OSGIN1: variants seen among roughly 807,000 people sequenced by gnomAD.
OSGIN1 encodes the protein oxidative stress-induced growth inhibitor 1.
OSGIN1 carries 19 observed loss-of-function variants against 20.1 expected under a neutral mutation model. The ratio of observed to expected loss-of-function variants is 0.95; its 90% CI spans 0.66 to 1.39. The LOEUF (loss-of-function observed/expected upper bound fraction) is 1.39, where lower values mean the gene tolerates loss of function less well. OSGIN1 is among the 40% of genes most tolerant of loss of function. OSGIN1 has a pLI of 0.00. For missense variants in OSGIN1, 820 were observed against 653.0 expected, an observed-to-expected ratio of 1.26 and a Z score of -2.79; for synonymous variants, 368 against 297.8, an observed-to-expected ratio of 1.24 and a Z score of -2.43.
intron 1 of OSGIN1, among the ~76,000 whole-genome samples, chr16:83,954,996 A>G (rs889755633): frequency 6.6e-6 from 1 of 152,112 alleles, no homozygotes; most frequent in Non-Finnish European, 1.5e-5. Flanking sequence ...GGGATCAAAT[A>G]TCAGTTCCAT....
At chr16:83,959,802 C>T (rs981284062) in intron 3 of OSGIN1, among the ~76,000 whole-genome samples, 6 of 151,698 alleles carry the variant, frequency 4.0e-5, no homozygotes, top group Admixed American at 2.0e-4. Context: ...TGGAGCTTCT[C>T]AACCTTGGCC....
In OSGIN1 at chr16:83,966,264, C is replaced by G; in HGVS notation, c.*257C>G. ...AGCTGCTGGTGTGACCAGCTGAGCA[C>G]CCAGCCAGGAGACCTGCAGCCCTGC... On this transcript the variant is annotated 3_prime_UTR_variant, in exon 6 of 6. Transcript: ENST00000393306. 3 of 519,774 alleles carry G rather than the reference C, an allele frequency of 5.8e-6. No individual in the cohort carries two copies. The highest frequency in any genetic ancestry group is 6.7e-6 in the Non-Finnish European group (2 of 297,558). The allele number at this position is 519,774 out of a possible 1,614,324, so 32.2% of individuals were successfully genotyped here. A position where few individuals can be genotyped will look rare whatever the true frequency, so the allele number is the denominator to read the frequency against.
chr16:83,954,250 C>G (rs2151074031), intron 1 of OSGIN1: 1 of 152,360 alleles, frequency 6.6e-6, no homozygotes, highest in Admixed American at 6.5e-5. Context: ...GAAACGCAGA[C>G]ATACAGGTGT....
In OSGIN1 at chr16:83,965,726, A is replaced by G. The variant is rs1217840087; in HGVS notation, c.1153A>G (p.Lys385Glu). ...AVFQDLEGVEKVFGVSLVLVL... is the reference protein window; with the variant it reads ...AVFQDLEGVEEVFGVSLVLVL... ...GTTCCAGGACCTCGAGGGTGTCGAG[A>G]AGGTGTTTGGGGTCTCCCTGGTGCT... is the stretch of plus-strand genomic sequence containing the variant. Residue 385 changes from lysine to glutamate, a missense_variant, in exon 6 of 6, where the codon AAG becomes GAG. Transcript: ENST00000393306. The G allele has an allele frequency of 5.0e-6, 8 of 1,613,386 alleles. No homozygotes were observed. The highest frequency in any genetic ancestry group is 5.9e-6 in the Non-Finnish European group (7 of 1,179,974).
Position 83,953,336 on chromosome 16 carries a change from C to T in OSGIN1, c.-67C>T, listed in dbSNP as rs752516736. On this transcript the variant is annotated 5_prime_UTR_variant, in exon 1 of 6. Transcript: ENST00000393306. ...TGACCCTCCTAGTGCACAACTTGGC[C>T]GGGCTCACTGGGCTCCTGCACCACT... 17 of 1,288,806 alleles carry T rather than the reference C, an allele frequency of 1.3e-5. No individual in the cohort carries two copies. The highest frequency in any genetic ancestry group is 1.5e-5 in the Non-Finnish European group (15 of 988,570). The allele number at this position is 1,288,806 out of a possible 1,614,324, so 79.8% of individuals were successfully genotyped here. A position where few individuals can be genotyped will look rare whatever the true frequency, so the allele number is the denominator to read the frequency against.
intron 5 of OSGIN1, among the ~76,000 whole-genome samples, chr16:83,962,325 G>A (rs554181123): frequency 1.1e-4 from 17 of 152,240 alleles, no homozygotes; most frequent in African/African-American, 2.9e-4. Flanking sequence ...TGCAAGCTCC[G>A]CCTCCCAGGT....
At position 83,965,080 on chromosome 16, in the gene OSGIN1, G is replaced by T. The variant is rs747732088; in HGVS notation, c.507G>T (p.Arg169=). Residue 169 remains arginine, a synonymous_variant, in exon 6 of 6, where the codon CGG becomes CGT. Coordinates refer to ENST00000393306, the MANE Select transcript of OSGIN1 (RefSeq NM_182981.3). ...QKKRRGLRNS[R]ATAGDIAHYY... is the part of the protein sequence containing the mutation. ...CCAACAGAGGTCTTCGCAACAGCCG[G>T]GCCACTGCCGGGGACATCGCCCACT... The T allele has an allele frequency of 6.2e-7, 1 of 1,601,604 alleles. No individual in the cohort carries two copies. Among genetic ancestry groups the T allele is most frequent in the South Asian group, 1.1e-5 (1 of 90,308 alleles).
At chr16:83,957,895 G>A (rs1427636850) in intron 2 of OSGIN1, among the ~76,000 whole-genome samples, 157 bp downstream of exon 2, 3 of 131,354 alleles carry the variant, frequency 2.3e-5, no homozygotes, top group African/African-American at 1.0e-4. Context: ...TTATTTATTT[G>A]AGACAAAGTC....
At chr16:83,954,649 A>G in intron 1 of OSGIN1, 1 of 522,482 alleles carries the variant, frequency 1.9e-6, no homozygotes, top group Non-Finnish European at 2.5e-6. Context: ...TCTCAGGTCC[A>G]GCCCCTGGGT....
In OSGIN1 at chr16:83,965,380, G is replaced by A; in HGVS notation, c.807G>A (p.Leu269=). Residue 269 remains leucine (L), a synonymous_variant, in exon 6 of 6, where the codon CTG becomes CTA. Transcript: ENST00000393306. ...GEALPFIHHE[L]SALEAATRVG... Reference sequence around the variant, plus strand: ...CCCTGCCCTTCATCCACCATGAGCTGTCTGCCCTGGAGGCCGCCACAAGGG... The same window carrying A: ...CCCTGCCCTTCATCCACCATGAGCTATCTGCCCTGGAGGCCGCCACAAGGG... 6.4e-7 allele frequency: 1 copy of A among 1,573,568 alleles called. No homozygotes were observed. The highest frequency in any genetic ancestry group is 8.6e-7 in the Non-Finnish European group (1 of 1,162,704).
rs2084268555 is a variant in OSGIN1, at chr16:83,965,557, G to C, written c.984G>C (p.Gln328His). Reference protein sequence around the residue: ...AVDDPGLVFNQLPKMLYPEYH... With the variant: ...AVDDPGLVFNHLPKMLYPEYH... ...ACGACCCTGGCCTGGTGTTCAACCA[G>C]CTGCCCAAGATGCTGTACCCCGAGT... The change falls in exon 6 of 6, where the codon CAG becomes CAC. Residue 328 changes from glutamine to histidine, a missense_variant. Gln to His is a conservative substitution (Grantham distance 24). Transcript: ENST00000393306. The C allele has an allele frequency of 6.2e-7, 1 of 1,612,884 alleles. No homozygotes were observed. The highest frequency in any genetic ancestry group is 1.3e-5 in the African/African-American group (1 of 75,072).
rs755228806 is a variant in OSGIN1 at position 83,965,458 on chromosome 16, G to T, written c.885G>T (p.Leu295=). ...SDPVLIIGAG[L]SAADAVLYAR... ...CTGTCCTCATCATTGGCGCGGGGCTGTCAGCGGCCGACGCGGTCCTCTACG... is the reference window on the plus strand; with the variant it reads ...CTGTCCTCATCATTGGCGCGGGGCTTTCAGCGGCCGACGCGGTCCTCTACG... The change falls in exon 6 of 6, where the codon CTG becomes CTT. Residue 295 remains leucine, a synonymous_variant. Transcript: ENST00000393306. 2 of 1,601,194 alleles carry T rather than the reference G, an allele frequency of 1.2e-6. No homozygotes were observed. Among genetic ancestry groups the T allele is most frequent in the South Asian group, 2.2e-5 (2 of 90,386 alleles).
intron 2 of OSGIN1, among the ~76,000 whole-genome samples, chr16:83,958,905 G>A (rs769902777): frequency 6.6e-6 from 1 of 152,152 alleles, no homozygotes; most frequent in Admixed American, 6.5e-5. Context: ...ATCCCGGCTC[G>A]TCTACCTTCC....
chr16:83,964,411 A>G (rs1009953422), intron 5 of OSGIN1, among the ~76,000 whole-genome samples: 1 of 152,216 alleles, frequency 6.6e-6, no homozygotes, highest in African/African-American at 2.4e-5. Flanking sequence ...TCTCAAGGTA[A>G]GCACAGAGAA....
In OSGIN1 at chr16:83,957,652, C is replaced by A. The variant is rs1484155207; in HGVS notation, c.-20C>A. ...TCCCCCACTCCAGGTCCGCTGCCAG[C>A]CCCAAGCCCCCCACCAGCCATGAGC... On this transcript the variant is annotated 5_prime_UTR_variant, in exon 2 of 6. Transcript: ENST00000393306. 1.3e-6 allele frequency: 2 copies of A among 1,588,622 alleles called. No homozygotes were observed. The highest frequency in any genetic ancestry group is 1.3e-5 in the African/African-American group (1 of 74,252).
At position 83,965,273 on chromosome 16, in the gene OSGIN1, C is replaced by T. The variant is rs1229858139; in HGVS notation, c.700C>T (p.Pro234Ser). The T allele has an allele frequency of 3.1e-6, 5 of 1,606,964 alleles. No individual in the cohort carries two copies. The highest frequency in any genetic ancestry group is 4.3e-6 in the Non-Finnish European group (5 of 1,176,230). The change falls in exon 6 of 6, where the codon CCC becomes TCC. Residue 234 changes from proline (P) to serine (S), a missense_variant. Transcript: ENST00000393306. The part of the protein sequence containing the change: ...GFLTRNQAQQ[P>S]FSLWARNVVL... ...CCTGACCAGGAACCAGGCCCAGCAG[C>T]CCTTCTCGCTGTGGGCCCGCAACGT... is the stretch of plus-strand genomic sequence containing the variant.
chr16:83,959,456 C>T (rs1909101246), intron 3 of OSGIN1, 60 bp downstream of exon 3: 13 of 1,491,818 alleles, frequency 8.7e-6, no homozygotes, highest in South Asian at 7.5e-5. Context: ...AAAACTACCG[C>T]CGCTTTCCCA....
Position 83,957,703 on chromosome 16 carries a change from C to T in OSGIN1, c.32C>T (p.Ala11Val). MSSSRKDHLG[A>V]SSSEPLPVII... The stretch of plus-strand genomic sequence containing the variant: ...TCCTCCAGAAAGGACCACCTCGGCG[C>T]CAGCAGCTCAGAGCCCCTCCCGGTC... The change falls in exon 2 of 6, where the codon GCC becomes GTC. Residue 11 changes from alanine to valine, a missense_variant. Transcript: ENST00000393306. 2 of 1,606,336 alleles carry T rather than the reference C, an allele frequency of 1.2e-6. No homozygotes were observed. The highest frequency in any genetic ancestry group is 1.1e-5 in the South Asian group (1 of 89,896).
chr16:83,961,564 C>T (rs1054705809), intron 5 of OSGIN1, among the ~76,000 whole-genome samples: 1 of 152,136 alleles, frequency 6.6e-6, no homozygotes, highest in Non-Finnish European at 1.5e-5. Context: ...TTCACAGGCC[C>T]CCCACAGTGA....
Sources: allele counts gnomAD v4.1 joint callset (sites outside exome capture counted in the v4.1 genomes callset), GRCh38; gene constraint gnomAD v4.1.1; transcripts MANE v1.5; gene names NCBI Gene and HGNC (gene_info 2026-07-23, HGNC 2026-07-21).